LRRC72: variants seen among roughly 807,000 people sequenced by gnomAD.
LRRC72 encodes the protein leucine-rich repeat-containing protein 72.
In LRRC72, 41 loss-of-function variants were observed where a neutral mutation model predicts 35.8. The observed-to-expected ratio is 1.15, with a 90% CI of 0.89 to 1.49. The LOEUF is 1.49. Among genes scored for constraint, LRRC72 ranks in the 40% most tolerant of loss-of-function variants. The pLI, the probability that LRRC72 is intolerant of heterozygous loss-of-function variation, is 0.00. For missense variants in LRRC72, 389 were observed against 330.7 expected (o/e 1.18, Z -1.37); for synonymous variants, 118 against 119.2 (o/e 0.99, Z 0.07).
chr7:16,536,529 A>C (rs1217120243), intron 2 of LRRC72, among the ~76,000 whole-genome samples: 1 of 151,938 alleles, frequency 6.6e-6, no homozygotes, highest in Non-Finnish European at 1.5e-5. Context: ...TAAATATATA[A>C]ATTAGATAGA....
In LRRC72 at chr7:16,559,004, C is replaced by A. The variant is rs1378185547; in HGVS notation, c.427+5C>A. ...TGCTAAATCTGAAGATCCTAAGTAA[C>A]AATTTGCAATTTTATATGGCCATAA... On this transcript the variant is annotated splice_donor_5th_base_variant and intron_variant, in intron 5 of 8. Transcript: ENST00000401542. 4 of 1,486,982 alleles carry A rather than the reference C, an allele frequency of 2.7e-6. No homozygotes were observed. Among genetic ancestry groups the A allele is most frequent in the South Asian group, 1.3e-5 (1 of 78,308 alleles). The allele number at this position is 1,486,982 out of a possible 1,614,324, so 92.1% of individuals were successfully genotyped here.
rs142449506 is a variant in LRRC72 at position 16,544,822 on chromosome 7, T to C, written c.234+7126T>C. Among the ~76,000 whole-genome samples the C allele has an allele frequency of 4.6e-5, 7 of 152,218 alleles. No individual in the cohort carries two copies. The East Asian group carries it at 1.3e-3, about 29-fold the overall frequency. ...TGTCTCAGATGAAGAACCTGTCTAATGCCTCACCAAGCAAGTATTCAAAAT... is the reference window on the plus strand; with the variant it reads ...TGTCTCAGATGAAGAACCTGTCTAACGCCTCACCAAGCAAGTATTCAAAAT... On this transcript the variant is annotated intron_variant, in intron 3 of 8. Coordinates refer to ENST00000401542, the MANE Select transcript of LRRC72 (RefSeq NM_001195280.2).
chr7:16,578,129 G>C (rs532112685), intron 7 of LRRC72, among the ~76,000 whole-genome samples: 1 of 152,278 alleles, frequency 6.6e-6, no homozygotes, highest in East Asian at 1.9e-4. Flanking sequence ...CAATTTAAAT[G>C]GTCATTCATA....
At chr7:16,527,155 A>C (rs1782084586) in intron 1 of LRRC72, 113 bp downstream of exon 1, 1 of 777,984 alleles carries the variant, frequency 1.3e-6, no homozygotes, top group Non-Finnish European at 2.1e-6. Flanking sequence ...GAATTTCAGT[A>C]GCCTGAAGAC....
At chr7:16,556,393 T>C (rs1782650755) in intron 3 of LRRC72, among the ~76,000 whole-genome samples, 1 of 152,162 alleles carries the variant, frequency 6.6e-6, no homozygotes, top group Non-Finnish European at 1.5e-5. Flanking sequence ...GCATTTGGGA[T>C]GGTCAAGAAA....
rs188965919 is a variant in LRRC72 at position 16,548,923 on chromosome 7, T to G, written c.235-8437T>G. Among the ~76,000 whole-genome samples, 22 of 152,338 alleles carry G rather than the reference T, an allele frequency of 1.4e-4. No individual in the cohort carries two copies. In the East Asian group the frequency reaches 4.0e-3, roughly 28 times the overall value. On this transcript the variant is annotated intron_variant, in intron 3 of 8. Coordinates refer to ENST00000401542, the MANE Select transcript of LRRC72 (RefSeq NM_001195280.2). Reference sequence around the variant, plus strand: ...ATATATAGTTTACTCATTGTATGTATTATTTATTTAATCTTTCCCTACTAC... The same window carrying G: ...ATATATAGTTTACTCATTGTATGTAGTATTTATTTAATCTTTCCCTACTAC...
rs563513294 is a variant in LRRC72 at position 16,553,946 on chromosome 7, C to A, written c.235-3414C>A. On this transcript the variant is annotated intron_variant, in intron 3 of 8. Transcript: ENST00000401542. ...GTTATGCTCCAAGCCTAAGCTAAGACATATGATTTGTGAAATGCCACACTT... is the reference window on the plus strand; with the variant it reads ...GTTATGCTCCAAGCCTAAGCTAAGAAATATGATTTGTGAAATGCCACACTT... 3.3e-5 allele frequency among the ~76,000 whole-genome samples: 5 copies of A among 152,318 alleles called. No individual in the cohort carries two copies. In the East Asian group the frequency reaches 9.6e-4, roughly 29 times the overall value.
At chr7:16,554,667 G>C (rs553167761) in intron 3 of LRRC72, among the ~76,000 whole-genome samples, 1 of 152,180 alleles carries the variant, frequency 6.6e-6, no homozygotes, top group African/African-American at 2.4e-5. Flanking sequence ...AGCTCCCCAA[G>C]GTCCTCATGA....
chr7:16,575,915 T>TA (rs1783032504), intron 7 of LRRC72, among the ~76,000 whole-genome samples: 1 of 152,260 alleles, frequency 6.6e-6, no homozygotes, highest in Non-Finnish European at 1.5e-5. Flanking sequence ...TTTAGGGATC[T>TA]ACATTTCTTT....
At chr7:16,564,951 A>G (rs79009127) in intron 5 of LRRC72, among the ~76,000 whole-genome samples, 1 of 152,204 alleles carries the variant, frequency 6.6e-6, no homozygotes, top group South Asian at 2.1e-4. Flanking sequence ...TGCCTTTATC[A>G]AACCTGTATT....
intron 3 of LRRC72, among the ~76,000 whole-genome samples, chr7:16,554,150 G>T (rs1315444753): frequency 1.3e-5 from 2 of 152,084 alleles, no homozygotes; most frequent in East Asian, 3.9e-4. Context: ...CCAACATGGG[G>T]AAACCCCCAT....
intron 5 of LRRC72, among the ~76,000 whole-genome samples, chr7:16,565,569 G>A (rs1374382385): frequency 6.6e-6 from 1 of 152,138 alleles, no homozygotes; most frequent in Non-Finnish European, 1.5e-5. Context: ...TTCTAGTTGA[G>A]GATGTTTAAA....
chr7:16,552,488 T>C (rs1782570267), intron 3 of LRRC72, among the ~76,000 whole-genome samples: 2 of 151,806 alleles, frequency 1.3e-5, no homozygotes. Context: ...AAAGGAAGAG[T>C]GGAAGAAGTC....
intron 7 of LRRC72, among the ~76,000 whole-genome samples, chr7:16,570,733 T>C (rs1782927717): frequency 1.3e-5 from 2 of 152,120 alleles, no homozygotes. Context: ...GGTATGAGAA[T>C]CGCTTGAACC....
intron 3 of LRRC72, among the ~76,000 whole-genome samples, chr7:16,553,594 C>A (rs1008167078): frequency 6.6e-6 from 1 of 152,158 alleles, no homozygotes; most frequent in African/African-American, 2.4e-5. Flanking sequence ...TCCCAGGGGG[C>A]ATTTCACAAT....
chr7:16,577,745 C>T (rs1447611513), intron 7 of LRRC72, among the ~76,000 whole-genome samples: 4 of 152,012 alleles, frequency 2.6e-5, no homozygotes, highest in Admixed American at 6.5e-5. Flanking sequence ...ACAAAATAAA[C>T]GACATGGACA....
At chr7:16,538,330 AC>A (rs1220301106) in intron 3 of LRRC72, among the ~76,000 whole-genome samples, 1 of 152,100 alleles carries the variant, frequency 6.6e-6, no homozygotes, top group Non-Finnish European at 1.5e-5. Context: ...TTTGCTTTGT[AC>A]CCTATAGTAC....
chr7:16,567,709 C>A (rs1782873655), intron 7 of LRRC72, among the ~76,000 whole-genome samples, 166 bp downstream of exon 7: 2 of 152,008 alleles, frequency 1.3e-5, no homozygotes, highest in Middle Eastern at 3.4e-3. Context: ...TACTTTTAGT[C>A]CAGTTAAAGT....
At position 16,547,847 on chromosome 7, in the gene LRRC72, C is replaced by T. The variant is rs552849284; in HGVS notation, c.235-9513C>T. Among the ~76,000 whole-genome samples the T allele has an allele frequency of 9.8e-5, 15 of 152,316 alleles. No homozygotes were observed. The East Asian group carries it at 1.2e-3, about 12-fold the overall frequency. On this transcript the variant is annotated intron_variant, in intron 3 of 8. Transcript: ENST00000401542. The stretch of plus-strand genomic sequence containing the variant: ...TGAACAACCTCAGCTCCATGAACAG[C>T]GGCAGGAGGCACACAGGTTCCTGGG...
Sources: allele counts gnomAD v4.1 joint callset (sites outside exome capture counted in the v4.1 genomes callset), GRCh38; gene constraint gnomAD v4.1.1; transcripts MANE v1.5; gene names NCBI Gene and HGNC (gene_info 2026-07-23, HGNC 2026-07-21).